The following PTPRD variants were observed in gnomAD, a reference collection of about 807,000 sequenced individuals.
The protein encoded by PTPRD is receptor-type tyrosine-protein phosphatase delta.
A neutral mutation model predicts 214.5 loss-of-function variants in PTPRD; 34 were observed. The observed-to-expected ratio is 0.16, with a 90% CI of 0.12 to 0.21. PTPRD has a LOEUF of 0.21. Ranked by LOEUF, PTPRD falls within the 10% of genes least tolerant of loss-of-function variation. PTPRD has a pLI of 1.00. For synonymous variants in PTPRD, 1,128 were observed against 845.7 expected (o/e 1.33, Z -5.79); for missense variants, 2,545 against 2,398.7 (o/e 1.06, Z -1.27).
At chr9:8,948,122 C>T (rs1164196454) in intron 11 of PTPRD, among the ~76,000 whole-genome samples, 2 of 150,088 alleles carry the variant, frequency 1.3e-5, no homozygotes, top group East Asian at 2.0e-4. Flanking sequence ...TGGGTTCGAG[C>T]GATTCTCCTG....
At chr9:10,027,527 G>A (rs1194550911) in intron 4 of PTPRD, among the ~76,000 whole-genome samples, 1 of 152,118 alleles carries the variant, frequency 6.6e-6, no homozygotes, top group Admixed American at 6.5e-5. Context: ...AGCATGTCAT[G>A]TGTATTATAA....
At chr9:9,114,217 G>A (rs2099809950) in intron 10 of PTPRD, among the ~76,000 whole-genome samples, 1 of 152,152 alleles carries the variant, frequency 6.6e-6, no homozygotes, top group Non-Finnish European at 1.5e-5. Context: ...GGTTTCTACA[G>A]GGTAGTTCGG....
chr9:8,885,126 A>C lies in PTPRD; in HGVS notation c.-104+133571T>G, dbSNP rs1466799474. On this transcript the variant is annotated intron_variant, in intron 11 of 45. Transcript: ENST00000381196. The stretch of plus-strand genomic sequence containing the variant: ...GCTCTGAGAGGAAACAGAATAGGAA[A>C]TGTGAATGAGATTGATAATGATGAT... Among the ~76,000 whole-genome samples, 5 of 152,204 alleles carry C rather than the reference A, an allele frequency of 3.3e-5. No homozygotes were observed. The South Asian group carries it at 6.2e-4, about 19-fold the overall frequency.
intron 32 of PTPRD, among the ~76,000 whole-genome samples, chr9:8,462,178 C>G (rs2096430338): frequency 6.6e-6 from 1 of 151,908 alleles, no homozygotes; most frequent in Admixed American, 6.6e-5. Context: ...TTCCCAGATC[C>G]TTCTTCCCTT....
intron 3 of PTPRD, among the ~76,000 whole-genome samples, chr9:10,149,069 G>A (rs12552905): frequency 0.053 from 8,128 of 152,142 alleles, 310 homozygotes; most frequent in Admixed American, 0.11. Flanking sequence ...GAGAATATAT[G>A]ATTCACATTC....
chr9:10,117,725 G>C (rs913004474), intron 3 of PTPRD, among the ~76,000 whole-genome samples: 1 of 151,478 alleles, frequency 6.6e-6, no homozygotes, highest in Non-Finnish European at 1.5e-5. Context: ...CATTTTCACA[G>C]GAACTGGGAG....
chr9:10,177,156 G>C (rs1208741434), intron 3 of PTPRD, among the ~76,000 whole-genome samples: 1 of 151,904 alleles, frequency 6.6e-6, no homozygotes, highest in Non-Finnish European at 1.5e-5. Flanking sequence ...TAGAGGGGTA[G>C]TATACTTGGT....
At chr9:8,932,769 G>A (rs2154283670) in intron 11 of PTPRD, among the ~76,000 whole-genome samples, 1 of 152,290 alleles carries the variant, frequency 6.6e-6, no homozygotes, top group East Asian at 1.9e-4. Context: ...TGTGCTGGCA[G>A]AGAGAATTTC....
chr9:8,420,691 C>T (rs151174773), intron 35 of PTPRD, among the ~76,000 whole-genome samples: 13 of 152,124 alleles, frequency 8.5e-5, no homozygotes, highest in African/African-American at 3.1e-4. Flanking sequence ...GAGATAAATA[C>T]TGAAGCTGGT....
intron 9 of PTPRD, among the ~76,000 whole-genome samples, chr9:9,281,508 T>C (rs1947688561): frequency 6.6e-6 from 1 of 151,348 alleles, no homozygotes; most frequent in Non-Finnish European, 1.5e-5. Context: ...TTTAACATCA[T>C]AGGTCCTTAG....
At chr9:8,525,278 G>C (rs2073801509) in intron 17 of PTPRD, 1 of 616,886 alleles carries the variant, frequency 1.6e-6, no homozygotes, top group East Asian at 2.9e-5. Context: ...TCCCAAGCAA[G>C]ACTTCTAGTC....
At chr9:9,489,563 A>G (rs2095812531) in intron 8 of PTPRD, among the ~76,000 whole-genome samples, 1 of 152,144 alleles carries the variant, frequency 6.6e-6, no homozygotes, top group African/African-American at 2.4e-5. Context: ...ATTTAGAGCT[A>G]GAAAACCTAA....
chr9:10,529,384 C>G (rs578203420), intron 2 of PTPRD, among the ~76,000 whole-genome samples: 2 of 152,220 alleles, frequency 1.3e-5, no homozygotes, highest in African/African-American at 4.8e-5. Flanking sequence ...GAATACTATT[C>G]AGCCATAAAA....
At chr9:9,250,410 A>G (rs2099975000) in intron 9 of PTPRD, among the ~76,000 whole-genome samples, 1 of 152,074 alleles carries the variant, frequency 6.6e-6, no homozygotes, top group Non-Finnish European at 1.5e-5. Context: ...AGAGGGTATA[A>G]GTCAGGCAGC....
chr9:9,176,063 A>G (rs1396032699), intron 10 of PTPRD, among the ~76,000 whole-genome samples: 1 of 152,294 alleles, frequency 6.6e-6, no homozygotes, highest in East Asian at 1.9e-4. Flanking sequence ...TAATTCAGCA[A>G]TCTCACATTG....
Position 9,249,650 on chromosome 9 carries a change from C to T in PTPRD, c.-202-66287G>A, listed in dbSNP as rs547629041. On this transcript the variant is annotated intron_variant, in intron 9 of 45. Transcript: ENST00000381196. ...CTTGGGTTGTCCAACTTTATTTGAA[C>T]AGTTAGAACCAACTGCTAAAGTTTC... Among the ~76,000 whole-genome samples the T allele has an allele frequency of 2.3e-4, 35 of 152,168 alleles. No homozygotes were observed. The South Asian group carries it at 6.6e-3, about 29-fold the overall frequency.
intron 2 of PTPRD, among the ~76,000 whole-genome samples, chr9:10,579,663 C>T (rs560128118): frequency 2.6e-5 from 4 of 152,098 alleles, no homozygotes; most frequent in Admixed American, 2.6e-4. Flanking sequence ...AATAATAGTT[C>T]TAAGTTCTGT....
At chr9:9,427,066 C>G (rs1257109602) in intron 8 of PTPRD, among the ~76,000 whole-genome samples, 1 of 152,144 alleles carries the variant, frequency 6.6e-6, no homozygotes, top group African/African-American at 2.4e-5. Context: ...GAATGACTGA[C>G]AAGTTGAGAG....
At chr9:9,263,596 T>G (rs1330262571) in intron 9 of PTPRD, among the ~76,000 whole-genome samples, 1 of 151,748 alleles carries the variant, frequency 6.6e-6, no homozygotes, top group Non-Finnish European at 1.5e-5. Context: ...ATATCCAATT[T>G]TCCCTGAATT....
Sources: gnomAD v4.1 joint callset for allele counts (sites outside exome capture counted in the v4.1 genomes callset) on GRCh38, gnomAD v4.1.1 for gene constraint, MANE v1.5 for transcripts, NCBI Gene and HGNC (gene_info 2026-07-23, HGNC 2026-07-21) for gene names.